Variants in RPIA observed in about 807,000 individuals in gnomAD.
RPIA encodes the protein ribose 5-phosphate isomerase A.
RPIA carries 29 observed loss-of-function variants against 37.8 expected under a neutral mutation model. The observed-to-expected ratio is 0.77, with a 90% CI of 0.57 to 1.05. The LOEUF is 1.05. RPIA is among the 50% of genes least tolerant of loss of function. The pLI is 0.00. For synonymous variants in RPIA, 167 were observed against 157.0 expected, an observed-to-expected ratio of 1.06 and a Z score of -0.48; for missense variants, 385 against 413.6, an observed-to-expected ratio of 0.93 and a Z score of 0.60.
intron 3 of RPIA, among the ~76,000 whole-genome samples, chr2:88,712,707 A>AT (rs1274976065): frequency 5.3e-5 from 8 of 152,136 alleles, no homozygotes; most frequent in Admixed American, 2.6e-4. Flanking sequence ...CACAGTGGGT[A>AT]TCCCACTTCA....
chr2:88,746,865 T>C (rs186086503), intron 8 of RPIA, among the ~76,000 whole-genome samples: 1 of 152,176 alleles, frequency 6.6e-6, no homozygotes, highest in East Asian at 1.9e-4. Context: ...CGAGTTTCTG[T>C]AGTGGCTTGA....
intron 3 of RPIA, among the ~76,000 whole-genome samples, chr2:88,726,633 G>A (rs1673200260): frequency 6.6e-6 from 1 of 152,206 alleles, no homozygotes; most frequent in Non-Finnish European, 1.5e-5. Context: ...ATAAGTATAT[G>A]GTAGAGAAGA....
rs563109036 is a variant in RPIA at position 88,738,635 on chromosome 2, A to G, written c.838+559A>G. Among the ~76,000 whole-genome samples, 61 of 152,336 alleles carry G rather than the reference A, an allele frequency of 4.0e-4. No individual in the cohort carries two copies. The South Asian group carries it at 9.9e-3, about 25-fold the overall frequency. ...CTACAAATAAGATAGAATGTGCTCA[A>G]TTCTACTAGAGGAATACCAAGAGTC... On this transcript the variant is annotated intron_variant, in intron 8 of 8. Coordinates refer to ENST00000283646, the MANE Select transcript of RPIA (RefSeq NM_144563.3).
rs1673495525 is a variant in RPIA, at chr2:88,750,694, A to T, written c.*616A>T. ...GAGAAAATGTTGTTACACTTTTGCT[A>T]AGATCTGGGGGTTTCTTCATATTCC... is the stretch of plus-strand genomic sequence containing the variant. On this transcript the variant is annotated 3_prime_UTR_variant, in exon 9 of 9. Coordinates refer to ENST00000283646, the MANE Select transcript of RPIA (RefSeq NM_144563.3). 3 of 399,496 alleles carry T rather than the reference A, an allele frequency of 7.5e-6. No homozygotes were observed. The highest frequency in any genetic ancestry group is 6.2e-4 in the Middle Eastern group (1 of 1,610). The allele number at this position is 399,496 out of a possible 1,614,324, so 24.7% of individuals were successfully genotyped here.
chr2:88,714,951 TG>T (rs1673013456), intron 3 of RPIA, among the ~76,000 whole-genome samples: 2 of 152,220 alleles, frequency 1.3e-5, no homozygotes, highest in Admixed American at 6.5e-5. Flanking sequence ...CATGCTGTTT[TG>T]GGAGTACAGA....
chr2:88,732,728 TAA>T (rs75685116), intron 4 of RPIA, among the ~76,000 whole-genome samples: 42 of 2,000 alleles, frequency 0.021, no homozygotes, highest in East Asian at 0.022. Context: ...TAGAGTATAA[TAA>T]AAAAAAAAAA....
intron 3 of RPIA, among the ~76,000 whole-genome samples, chr2:88,721,569 A>AC (rs1558694779): frequency 6.6e-5 from 6 of 91,128 alleles, no homozygotes; most frequent in Non-Finnish European, 9.2e-5. Context: ...ACACACACAC[A>AC]CACCCCCCCC....
rs1573482996 is a variant in RPIA at position 88,750,261 on chromosome 2, T to A, written c.*183T>A. Reference sequence around the variant, plus strand: ...GAAGTATTGTTATTAAATGTCTTTTTAAAAAGAGAAATATAAACATATATT... The same window carrying A: ...GAAGTATTGTTATTAAATGTCTTTTAAAAAAGAGAAATATAAACATATATT... On this transcript the variant is annotated 3_prime_UTR_variant, in exon 9 of 9. Transcript: ENST00000283646. 1 of 503,310 alleles carries A rather than the reference T, an allele frequency of 2.0e-6. No individual in the cohort carries two copies. Among genetic ancestry groups the A allele is most frequent in the Middle Eastern group, 5.3e-4 (1 of 1,884 alleles). 31.2% of individuals were successfully genotyped at this position (503,310 alleles called of 1,614,324 possible).
chr2:88,745,125 T>C (rs972684498), intron 8 of RPIA, among the ~76,000 whole-genome samples: 4 of 152,066 alleles, frequency 2.6e-5, no homozygotes, highest in African/African-American at 9.7e-5. Flanking sequence ...GACTGGCTAA[T>C]TTTTTTGTGG....
chr2:88,695,054 A>G (rs1015413001), intron 1 of RPIA, among the ~76,000 whole-genome samples: 4 of 152,106 alleles, frequency 2.6e-5, no homozygotes, highest in African/African-American at 9.7e-5. Flanking sequence ...AGAGCAGAAC[A>G]TGTGAAGGTC....
At chr2:88,737,069 C>T (rs1673323801) in intron 7 of RPIA, among the ~76,000 whole-genome samples, 1 of 152,132 alleles carries the variant, frequency 6.6e-6, no homozygotes, top group Non-Finnish European at 1.5e-5. Flanking sequence ...CTTCTTTTCT[C>T]CCTCTTCTTT....
intron 3 of RPIA, among the ~76,000 whole-genome samples, chr2:88,717,468 G>A (rs1237010404): frequency 1.3e-5 from 2 of 152,168 alleles, no homozygotes; most frequent in Non-Finnish European, 2.9e-5. Flanking sequence ...CAGGGAGGGA[G>A]CTTCCAGGTC....
At chr2:88,742,050 T>C (rs1465872229) in intron 8 of RPIA, among the ~76,000 whole-genome samples, 38 of 152,252 alleles carry the variant, frequency 2.5e-4, no homozygotes, top group Admixed American at 2.5e-3. Context: ...AGAAGCTCTC[T>C]ATTTTAATTA....
intron 3 of RPIA, among the ~76,000 whole-genome samples, chr2:88,721,708 A>G (rs1006974840): frequency 1.3e-5 from 2 of 149,050 alleles, no homozygotes; most frequent in Non-Finnish European, 3.0e-5. Flanking sequence ...TGCAGCCATA[A>G]AAAAGGATGA....
intron 3 of RPIA, among the ~76,000 whole-genome samples, chr2:88,722,991 GTTT>G (rs1673152954): frequency 6.6e-6 from 1 of 152,140 alleles, no homozygotes; most frequent in Non-Finnish European, 1.5e-5. Flanking sequence ...CAAGTGCATA[GTTT>G]TTTGTTTGTT....
intron 3 of RPIA, among the ~76,000 whole-genome samples, chr2:88,715,258 G>A (rs1673019613): frequency 6.6e-6 from 1 of 152,216 alleles, no homozygotes; most frequent in African/African-American, 2.4e-5. Context: ...TCAAGGGACA[G>A]GAGAGGAAGA....
chr2:88,724,283 A>G (rs1673170077), intron 3 of RPIA, among the ~76,000 whole-genome samples: 1 of 151,928 alleles, frequency 6.6e-6, no homozygotes, highest in South Asian at 2.1e-4. Flanking sequence ...TTGCCTCTGA[A>G]TATGTTTCTT....
intron 3 of RPIA, among the ~76,000 whole-genome samples, chr2:88,727,991 A>G (rs1673219411): frequency 6.6e-6 from 1 of 152,224 alleles, no homozygotes; most frequent in African/African-American, 2.4e-5. Context: ...AATAATTATC[A>G]GTTCACAGCC....
chr2:88,696,220 A>C (rs1322582285), intron 1 of RPIA, among the ~76,000 whole-genome samples: 1 of 152,112 alleles, frequency 6.6e-6, no homozygotes, highest in African/African-American at 2.4e-5. Context: ...AGAAATTTGA[A>C]ATAGATTGAT....
Sources: allele counts gnomAD v4.1 joint callset (sites outside exome capture counted in the v4.1 genomes callset), GRCh38; gene constraint gnomAD v4.1.1; transcripts MANE v1.5; gene names NCBI Gene and HGNC (gene_info 2026-07-23, HGNC 2026-07-21).